The following AGBL4 variants were observed in gnomAD, a reference collection of about 807,000 sequenced individuals.
AGBL4 encodes AGBL carboxypeptidase 4.
In AGBL4, 58 loss-of-function variants were observed where a neutral mutation model predicts 66.4. The ratio of observed to expected loss-of-function variants is 0.87; its 90% CI spans 0.71 to 1.09. AGBL4 has a LOEUF of 1.09. Ranked by LOEUF, AGBL4 falls within the 50% of genes least tolerant of loss-of-function variation. The pLI is 0.00. For synonymous variants in AGBL4, 234 were observed against 222.9 expected (o/e 1.05, Z -0.44); for missense variants, 579 against 631.0 (o/e 0.92, Z 0.88).
At chr1:48,626,527 G>C (rs1050198065) in intron 9 of AGBL4, among the ~76,000 whole-genome samples, 1 of 152,222 alleles carries the variant, frequency 6.6e-6, no homozygotes, top group Non-Finnish European at 1.5e-5. Flanking sequence ...AGTGGATCAA[G>C]AGCTATACCC....
intron 3 of AGBL4, among the ~76,000 whole-genome samples, chr1:49,256,034 CG>C (rs1362641636): frequency 6.6e-6 from 1 of 151,926 alleles, no homozygotes; most frequent in Non-Finnish European, 1.5e-5. Flanking sequence ...GAATGGAAAT[CG>C]GGAAAAATAA....
chr1:49,443,644 C>T (rs866308132), intron 3 of AGBL4, among the ~76,000 whole-genome samples: 3 of 151,924 alleles, frequency 2.0e-5, no homozygotes, highest in Middle Eastern at 3.4e-3. Flanking sequence ...TATACTAATA[C>T]CACGCTCTTT....
chr1:49,488,068 T>C (rs1316791543), intron 3 of AGBL4, among the ~76,000 whole-genome samples: 1 of 151,970 alleles, frequency 6.6e-6, no homozygotes, highest in African/African-American at 2.4e-5. Flanking sequence ...TATTATCTTA[T>C]GTTTACTTTG....
intron 6 of AGBL4, among the ~76,000 whole-genome samples, chr1:48,810,900 T>C (rs1312974038): frequency 1.3e-5 from 2 of 152,072 alleles, no homozygotes; most frequent in Admixed American, 1.3e-4. Flanking sequence ...ACGATGCTAG[T>C]TGGTAAAAGG....
chr1:48,852,526 G>A (rs544551530), intron 6 of AGBL4, among the ~76,000 whole-genome samples: 73 of 152,136 alleles, frequency 4.8e-4, no homozygotes, highest in Non-Finnish European at 5.6e-4. Context: ...TGCCAAGTGT[G>A]TAAAGAACTG....
At chr1:49,713,366 T>G (rs1190353657) in intron 2 of AGBL4, among the ~76,000 whole-genome samples, 1 of 152,094 alleles carries the variant, frequency 6.6e-6, no homozygotes, top group East Asian at 1.9e-4. Flanking sequence ...CCTTTTCTCA[T>G]GTTAACACCT....
chr1:49,768,027 C>CA (rs949059645), intron 2 of AGBL4, among the ~76,000 whole-genome samples: 1 of 147,718 alleles, frequency 6.8e-6, no homozygotes, highest in African/African-American at 2.5e-5. Flanking sequence ...CAAAACAAAA[C>CA]AAAAAAACCC....
At chr1:49,032,755 G>A (rs892982644) in intron 5 of AGBL4, among the ~76,000 whole-genome samples, 3 of 152,176 alleles carry the variant, frequency 2.0e-5, no homozygotes, top group African/African-American at 7.2e-5. Context: ...GGCTATGGCA[G>A]CAGAGATGAG....
At chr1:49,623,849 A>C (rs946956517) in intron 3 of AGBL4, among the ~76,000 whole-genome samples, 1 of 152,194 alleles carries the variant, frequency 6.6e-6, no homozygotes, top group Non-Finnish European at 1.5e-5. Flanking sequence ...TAAAAGAAAG[A>C]GCTTTGCCAT....
chr1:49,943,793 C>T lies in AGBL4; in HGVS notation c.34+79970G>A, dbSNP rs964152156. On this transcript the variant is annotated intron_variant, in intron 1 of 13. Coordinates refer to ENST00000371839, the MANE Select transcript of AGBL4 (RefSeq NM_032785.4). ...AATGAGAAGTCTCCCAGCCAGAATT[C>T]AGGGGAGGGCATGAATCTGGTGTGC... 2.0e-5 allele frequency among the ~76,000 whole-genome samples: 3 copies of T among 151,618 alleles called. No individual in the cohort carries two copies. The East Asian group carries it at 5.8e-4, about 30-fold the overall frequency.
rs1348918656 is a variant in AGBL4 at position 49,238,986 on chromosome 1, C to T, written c.377+6784G>A. ...GTTTTCTATGTTTGTTTCATAAATG[C>T]TGTGTATAGTTTTAGCTGCGCTCTA... On this transcript the variant is annotated intron_variant, in intron 4 of 13. Coordinates refer to ENST00000371839, the MANE Select transcript of AGBL4 (RefSeq NM_032785.4). 3.3e-5 allele frequency among the ~76,000 whole-genome samples: 5 copies of T among 152,116 alleles called. No homozygotes were observed. The East Asian group carries it at 7.7e-4, about 23-fold the overall frequency.
intron 4 of AGBL4, among the ~76,000 whole-genome samples, chr1:49,149,538 T>A (rs962284596): frequency 1.3e-5 from 2 of 152,146 alleles, no homozygotes; most frequent in Admixed American, 6.5e-5. Flanking sequence ...AGATAAAACA[T>A]TGTTGGAAGA....
chr1:49,109,223 C>T (rs1359713346), intron 4 of AGBL4, among the ~76,000 whole-genome samples: 3 of 152,176 alleles, frequency 2.0e-5, no homozygotes, highest in Non-Finnish European at 4.4e-5. Flanking sequence ...GAAGGTTTCC[C>T]CAGTCATCTT....
intron 2 of AGBL4, among the ~76,000 whole-genome samples, chr1:49,739,258 G>T (rs1180667545): frequency 6.6e-6 from 1 of 152,168 alleles, no homozygotes; most frequent in South Asian, 2.1e-4. Context: ...CATGAGGAAT[G>T]CACAAGCCTC....
intron 3 of AGBL4, among the ~76,000 whole-genome samples, chr1:49,498,160 A>AT (rs1213864842): frequency 6.6e-6 from 1 of 151,554 alleles, no homozygotes; most frequent in African/African-American, 2.4e-5. Context: ...TTCTTGATTT[A>AT]TTTTTTGGAT....
intron 8 of AGBL4, among the ~76,000 whole-genome samples, chr1:48,643,444 G>T (rs1034941056): frequency 6.6e-6 from 1 of 152,074 alleles, no homozygotes; most frequent in African/African-American, 2.4e-5. Context: ...ATTCCTCAAG[G>T]ATCTCCACTC....
chr1:48,817,999 T>C (rs1372991133), intron 6 of AGBL4: 3 of 709,982 alleles, frequency 4.2e-6, no homozygotes, highest in Non-Finnish European at 7.8e-6. Context: ...CACCTGAGAG[T>C]CTGCAGTCTT....
chr1:49,566,090 C>T (rs1301692742), intron 3 of AGBL4, among the ~76,000 whole-genome samples: 1 of 152,188 alleles, frequency 6.6e-6, no homozygotes, highest in Non-Finnish European at 1.5e-5. Context: ...CCGTTGATCG[C>T]ATCAGTTACT....
intron 5 of AGBL4, among the ~76,000 whole-genome samples, chr1:48,940,725 C>G (rs191084336): frequency 2.0e-4 from 30 of 152,258 alleles, no homozygotes; most frequent in Admixed American, 3.9e-4. Context: ...ACGGTTATAT[C>G]CAAAGACTGC....
Sources: allele counts gnomAD v4.1 joint callset (sites outside exome capture counted in the v4.1 genomes callset), GRCh38; gene constraint gnomAD v4.1.1; transcripts MANE v1.5; gene names NCBI Gene and HGNC (gene_info 2026-07-23, HGNC 2026-07-21).